The following PRKDC variants were observed in gnomAD, a reference collection of about 807,000 sequenced individuals.
PRKDC encodes protein kinase, DNA-activated, catalytic subunit, also known as DNA-dependent protein kinase catalytic subunit.
Under a neutral mutation model 486.9 loss-of-function variants are expected in PRKDC, and 82 were observed. That is an observed-to-expected ratio of 0.17 (90% CI 0.14 to 0.20). The LOEUF (loss-of-function observed/expected upper bound fraction) is 0.20, where lower values mean the gene tolerates loss of function less well. Ranked by LOEUF, PRKDC falls within the 10% of genes least tolerant of loss-of-function variation. The pLI, the probability that PRKDC is intolerant of heterozygous loss-of-function variation, is 1.00. For synonymous variants in PRKDC, 1,895 were observed against 1,837.0 expected (o/e 1.03, Z -0.81); for missense variants, 4,504 against 5,038.2 (o/e 0.89, Z 3.21).
intron 21 of PRKDC, among the ~76,000 whole-genome samples, chr8:47,922,940 C>T (rs939765145): frequency 3.3e-5 from 5 of 152,038 alleles, no homozygotes; most frequent in Non-Finnish European, 5.9e-5. Flanking sequence ...TCTCGGAAAG[C>T]GACTATCTGA....
chr8:47,860,917 C>T lies in PRKDC; in HGVS notation c.6040G>A (p.Ala2014Thr). ...ATCCTACCTGAATCCCCATTTGCTG[C>T]TTCTCTGGCTTCTTTCCTAATTTCA... is the stretch of plus-strand genomic sequence containing the variant. ...YIEIRKEARE[A>T]ANGDSDGPSY... The change falls in exon 45 of 86, where the codon GCA (alanine) becomes ACA (threonine). Residue 2014 changes from alanine (A) to threonine (T), a missense_variant. Ala to Thr is a moderately conservative substitution (Grantham distance 58, BLOSUM62 0). Transcript: ENST00000314191. 1 of 1,608,588 alleles carries T rather than the reference C, an allele frequency of 6.2e-7. No individual in the cohort carries two copies. The highest frequency in any genetic ancestry group is 8.5e-7 in the Non-Finnish European group (1 of 1,177,620).
At chr8:47,849,554 A>G in intron 52 of PRKDC, 51 bp from the exon 53 acceptor site, 2 of 1,578,518 alleles carry the variant, frequency 1.3e-6, no homozygotes, top group East Asian at 4.5e-5. Context: ...ATGTAGGTTA[A>G]GCATTGAAAG....
chr8:47,929,856 G>A lies in PRKDC; in HGVS notation c.2049C>T (p.Phe683=), dbSNP rs774140812. Residue 683 remains phenylalanine, a synonymous_variant, in exon 18 of 86, where the codon TTC becomes TTT. Transcript: ENST00000314191. ...ACATCCTGCAAGAAAGACTCACCTC[G>A]AAATATTTTATTTTCTTGGCATTTC... ...TVRNAKKIKY[F]EGVSPKSLKH... is the part of the protein sequence containing the mutation. 7.5e-6 allele frequency: 12 copies of A among 1,595,560 alleles called. No individual in the cohort carries two copies. The highest frequency in any genetic ancestry group is 1.7e-4 in the Middle Eastern group (1 of 6,030).
chr8:47,842,312 A>G (rs1215089558), intron 54 of PRKDC, among the ~76,000 whole-genome samples: 3 of 152,122 alleles, frequency 2.0e-5, no homozygotes, highest in Admixed American at 1.3e-4. Context: ...GTAATCTAAG[A>G]GTCTATCTGC....
At chr8:47,939,044 T>C (rs2090397570) in intron 11 of PRKDC, among the ~76,000 whole-genome samples, 1 of 152,178 alleles carries the variant, frequency 6.6e-6, no homozygotes, top group Admixed American at 6.5e-5. Flanking sequence ...TTCTGTCAAT[T>C]CTGAGTCTCT....
At chr8:47,841,407 T>C (rs979456530) in intron 54 of PRKDC, among the ~76,000 whole-genome samples, 14 of 152,102 alleles carry the variant, frequency 9.2e-5, no homozygotes, top group African/African-American at 3.4e-4. Context: ...TACACGCCTA[T>C]CTGTCAACTT....
intron 59 of PRKDC, 55 bp from the exon 60 acceptor site, chr8:47,831,981 C>G (rs1457615921): frequency 2.7e-6 from 4 of 1,500,482 alleles, no homozygotes; most frequent in Non-Finnish European, 3.7e-6. Flanking sequence ...CTTGGCTCTG[C>G]TGGTTCATTT....
chr8:47,847,874 A>AATATATAT (rs34432546), intron 54 of PRKDC, among the ~76,000 whole-genome samples: 3 of 146,200 alleles, frequency 2.1e-5, no homozygotes, highest in Admixed American at 1.4e-4. Context: ...GCGGCCAACA[A>AATATATAT]ATATATATAT....
intron 68 of PRKDC, among the ~76,000 whole-genome samples, chr8:47,811,217 G>A (rs1447082642): frequency 1.3e-5 from 2 of 152,156 alleles, no homozygotes; most frequent in Non-Finnish European, 2.9e-5. Flanking sequence ...GGGCCACAAC[G>A]ATGGGAATAA....
At chr8:47,895,171 G>A (rs1020737622) in intron 30 of PRKDC, among the ~76,000 whole-genome samples, 4 of 151,926 alleles carry the variant, frequency 2.6e-5, no homozygotes, top group African/African-American at 7.3e-5. Context: ...TGTCCAGCCC[G>A]GACAACATAG....
At position 47,836,539 on chromosome 8, in the gene PRKDC, A is replaced by G. The variant is rs1220678054; in HGVS notation, c.7762-12T>C. On this transcript the variant is annotated splice_polypyrimidine_tract_variant and intron_variant, in intron 57 of 85. Coordinates refer to ENST00000314191, the MANE Select transcript of PRKDC (RefSeq NM_006904.7). ...TCAATGGTATATTCCTGTACATAAG[A>G]AAGTTTCAAATGAAATAAAGTTTCA... 1 of 1,566,352 alleles carries G rather than the reference A, an allele frequency of 6.4e-7. No individual in the cohort carries two copies.
chr8:47,840,577 G>A (rs544863296), intron 54 of PRKDC, among the ~76,000 whole-genome samples: 1 of 152,284 alleles, frequency 6.6e-6, no homozygotes, highest in African/African-American at 2.4e-5. Flanking sequence ...CAACTTTTCT[G>A]TAAATGCAAA....
intron 11 of PRKDC, among the ~76,000 whole-genome samples, chr8:47,938,348 T>C (rs1229365717): frequency 1.4e-5 from 2 of 148,132 alleles, no homozygotes; most frequent in South Asian, 2.1e-4. Flanking sequence ...GAGGTGGAGG[T>C]TGTGGTGAGC....
chr8:47,812,224 C>T (rs2087344694), intron 68 of PRKDC, among the ~76,000 whole-genome samples: 1 of 152,110 alleles, frequency 6.6e-6, no homozygotes, highest in African/African-American at 2.4e-5. Flanking sequence ...AGTGATGGAA[C>T]TACACAAACA....
intron 19 of PRKDC, among the ~76,000 whole-genome samples, chr8:47,928,218 A>T (rs769717519): frequency 5.4e-5 from 8 of 148,330 alleles, no homozygotes; most frequent in Non-Finnish European, 1.2e-4. Flanking sequence ...TGCATGGTGC[A>T]ATCTCGGCTC....
intron 45 of PRKDC, among the ~76,000 whole-genome samples, chr8:47,860,619 C>T (rs2088655401): frequency 6.6e-6 from 1 of 152,194 alleles, no homozygotes; most frequent in African/African-American, 2.4e-5. Context: ...AGACACCAAG[C>T]TAATTTTGTA....
chr8:47,792,449 G>A (rs2086897896), intron 74 of PRKDC, among the ~76,000 whole-genome samples: 1 of 151,872 alleles, frequency 6.6e-6, no homozygotes, highest in Non-Finnish European at 1.5e-5. Context: ...TAGTAGAGAT[G>A]GGGTTTCACC....
At chr8:47,934,555 A>C (rs1020665805) in intron 14 of PRKDC, among the ~76,000 whole-genome samples, 1 of 152,146 alleles carries the variant, frequency 6.6e-6, no homozygotes, top group Non-Finnish European at 1.5e-5. Context: ...TAAATAAATA[A>C]ATAGATAACG....
rs752484736 is a variant in PRKDC, at chr8:47,776,912, C to A, written c.12114G>T (p.Trp4038Cys). The change falls in exon 85 of 86, where the codon TGG becomes TGT. Residue 4038 changes from tryptophan (W) to cysteine (C), a missense_variant. Trp to Cys is a radical substitution (Grantham distance 215, BLOSUM62 -2). This residue lies in a region of PRKDC where 706 missense variants were observed against 945.0 expected (regional missense o/e 0.75). Transcript: ENST00000314191. ...IQEINVAEKN[W>C]YPRQKICYAK... is the part of the protein sequence containing the mutation. ...CGTAACATATTTTCTGTCGGGGGTA[C>A]CAATTTTTTTCAGCAACATTTATTT... 7 of 1,613,680 alleles carry A rather than the reference C, an allele frequency of 4.3e-6. No homozygotes were observed. In the Middle Eastern group the frequency reaches 6.6e-4, roughly 152 times the overall value.
Sources: gnomAD v4.1 joint callset for allele counts (sites outside exome capture counted in the v4.1 genomes callset) on GRCh38, gnomAD v4.1.1 for gene constraint, gnomAD v4.1.1 regional missense constraint, MANE v1.5 for transcripts, NCBI Gene and HGNC (gene_info 2026-07-23, HGNC 2026-07-21) for gene names.